Variants in ADAM12 observed in about 807,000 individuals in gnomAD.
The protein encoded by ADAM12 is disintegrin and metalloproteinase domain-containing protein 12.
Under a neutral mutation model 106.4 loss-of-function variants are expected in ADAM12, and 70 were observed. The ratio of observed to expected loss-of-function variants is 0.66; its 90% confidence interval spans 0.54 to 0.80. ADAM12 has a LOEUF of 0.80. ADAM12 is among the 30% of genes least tolerant of loss of function. The pLI is 0.00. For synonymous variants in ADAM12, 420 were observed against 433.5 expected (o/e 0.97, Z 0.39); for missense variants, 1,010 against 1,171.9 (o/e 0.86, Z 2.02).
intron 4 of ADAM12, among the ~76,000 whole-genome samples, chr10:126,153,148 T>A (rs1175632205): frequency 2.0e-5 from 3 of 152,262 alleles, no homozygotes; most frequent in Non-Finnish European, 4.4e-5. Flanking sequence ...CTCATCTTTG[T>A]ATGAAAATGT....
In ADAM12 at chr10:126,049,048, C is replaced by T. The variant is rs11592847; in HGVS notation, c.1917+205G>A. Among the ~76,000 whole-genome samples the T allele has an allele frequency of 6.6e-6, 1 of 152,140 alleles. No individual in the cohort carries two copies. Among genetic ancestry groups the T allele is most frequent in the Non-Finnish European group, 1.5e-5 (1 of 68,026 alleles). On this transcript the variant is annotated intron_variant, in intron 16 of 22. Transcript: ENST00000448723. The surrounding 1 kb of genome is among the most constrained non-coding windows in gnomAD (Gnocchi z 4.4). The stretch of plus-strand genomic sequence containing the variant: ...GAAATGACTTATTAACACTCAAGGC[C>T]TAAGAAGACAGGCTTGATTTTTCCC...
chr10:126,370,019 A>T (rs543104353), intron 1 of ADAM12, among the ~76,000 whole-genome samples: 3 of 152,296 alleles, frequency 2.0e-5, no homozygotes, highest in East Asian at 3.9e-4. Context: ...ATTGGAGAGA[A>T]TACTGATTAG....
chr10:126,224,407 C>T (rs1958152969), intron 3 of ADAM12, among the ~76,000 whole-genome samples: 1 of 152,206 alleles, frequency 6.6e-6, no homozygotes, highest in Admixed American at 6.5e-5. Context: ...TGGGAGCTTG[C>T]AGCTGCTGGA....
rs1028007848 is a variant in ADAM12 at position 126,135,440 on chromosome 10, C to T, written c.416+144G>A. 1.9e-5 allele frequency: 14 copies of T among 732,980 alleles called. No individual in the cohort carries two copies. In the Admixed American group the frequency reaches 3.1e-4, roughly 16 times the overall value. 45.4% of individuals were successfully genotyped at this position (732,980 alleles called of 1,614,324 possible). A position where few individuals can be genotyped will look rare whatever the true frequency, so the allele number is the denominator to read the frequency against. ...TTGTAAGCAGTGGAGAGAGGGCCTC[C>T]GTGTTCTCTTGCCTAGGTGGAGGTG... On this transcript the variant is annotated intron_variant, in intron 5 of 22. Coordinates refer to ENST00000448723, the MANE Select transcript of ADAM12 (RefSeq NM_001288973.2).
chr10:126,226,202 C>CGGGGGGAGGGG (rs1958192962), intron 3 of ADAM12, among the ~76,000 whole-genome samples: 1 of 18,164 alleles, frequency 5.5e-5, no homozygotes, highest in Non-Finnish European at 1.2e-4. Flanking sequence ...GGGGAGGGGG[C>CGGGGGGAGGGG]GGGGGGAGTG....
chr10:126,027,674 TAAA>T (rs956559928), intron 21 of ADAM12, among the ~76,000 whole-genome samples: 1 of 151,884 alleles, frequency 6.6e-6, no homozygotes, highest in Non-Finnish European at 1.5e-5. Context: ...CCCCATAATA[TAAA>T]AAACTCCCAA....
In ADAM12 at chr10:126,030,443, T is replaced by G. The variant is rs1212393158; in HGVS notation, c.2529+5703A>C. On this transcript the variant is annotated intron_variant, in intron 21 of 22. Transcript: ENST00000448723. ...TCTGGGAAGGGAGACTGGTGACAGGTGTGAAGGAGACTGTTTTCCGAATGA... is the reference window on the plus strand; with the variant it reads ...TCTGGGAAGGGAGACTGGTGACAGGGGTGAAGGAGACTGTTTTCCGAATGA... Among the ~76,000 whole-genome samples the G allele has an allele frequency of 2.0e-5, 3 of 152,170 alleles. No homozygotes were observed. In the East Asian group the frequency reaches 5.8e-4, roughly 29 times the overall value.
chr10:126,147,492 G>T (rs1956650785), intron 4 of ADAM12, among the ~76,000 whole-genome samples: 1 of 152,120 alleles, frequency 6.6e-6, no homozygotes, highest in South Asian at 2.1e-4. Context: ...CACAACCAAG[G>T]CTATCAACAT....
intron 2 of ADAM12, among the ~76,000 whole-genome samples, chr10:126,326,071 A>G (rs1854290055): frequency 6.6e-6 from 1 of 152,246 alleles, no homozygotes; most frequent in African/African-American, 2.4e-5. Flanking sequence ...TCAGAAAGAA[A>G]GAGACAGAGA....
At chr10:126,061,277 T>C (rs1041230862) in intron 14 of ADAM12, among the ~76,000 whole-genome samples, 5 of 152,222 alleles carry the variant, frequency 3.3e-5, no homozygotes, top group Non-Finnish European at 7.3e-5. Context: ...GCATCTAGCA[T>C]AGAACCACAT....
intron 3 of ADAM12, among the ~76,000 whole-genome samples, chr10:126,267,125 C>T: frequency 6.6e-6 from 1 of 152,196 alleles, no homozygotes; most frequent in Non-Finnish European, 1.5e-5. Context: ...TGTCAATCAT[C>T]TCCTCTGATA....
intron 3 of ADAM12, among the ~76,000 whole-genome samples, chr10:126,219,429 C>T (rs951758792): frequency 2.6e-5 from 4 of 152,158 alleles, no homozygotes; most frequent in African/African-American, 9.7e-5. Context: ...ACATTAATCT[C>T]TTTAGCTATG....
intron 3 of ADAM12, among the ~76,000 whole-genome samples, chr10:126,247,003 C>T (rs1958643621): frequency 6.6e-6 from 1 of 152,156 alleles, no homozygotes; most frequent in Admixed American, 6.5e-5. Flanking sequence ...AGTTTCAGCC[C>T]AAAAGTTGCT....
intron 3 of ADAM12, among the ~76,000 whole-genome samples, chr10:126,258,384 TCCGTGCC>T (rs1565173485): frequency 6.6e-6 from 1 of 151,770 alleles, no homozygotes; most frequent in Non-Finnish European, 1.5e-5. Context: ...CCCCACTGCC[TCCGTGCC>T]CCACACGCCC....
In ADAM12 at chr10:126,214,164, G is replaced by A. The variant is rs534342556; in HGVS notation, c.261-58859C>T. 4.6e-5 allele frequency among the ~76,000 whole-genome samples: 7 copies of A among 152,300 alleles called. No homozygotes were observed. The South Asian group carries it at 1.4e-3, about 32-fold the overall frequency. The stretch of plus-strand genomic sequence containing the variant: ...TCTGTGTGAGCATTAAAACAAGAAG[G>A]AAGAAGCTTACAGCTACTAAGGAAT... On this transcript the variant is annotated intron_variant, in intron 3 of 22. Transcript: ENST00000448723.
chr10:126,360,438 G>A (rs955241298), intron 1 of ADAM12, among the ~76,000 whole-genome samples: 2 of 152,146 alleles, frequency 1.3e-5, no homozygotes, highest in African/African-American at 2.4e-5. Context: ...TGAATGCTAT[G>A]CTGCTTAGAA....
At chr10:126,278,409 G>A (rs1006179761) in intron 3 of ADAM12, among the ~76,000 whole-genome samples, 1 of 152,104 alleles carries the variant, frequency 6.6e-6, no homozygotes, top group Non-Finnish European at 1.5e-5. Flanking sequence ...CCATTTTCTG[G>A]AAATTTATAT....
chr10:126,029,655 C>A (rs1001694806), intron 21 of ADAM12, among the ~76,000 whole-genome samples: 1 of 152,188 alleles, frequency 6.6e-6, no homozygotes, highest in African/African-American at 2.4e-5. Context: ...CACTGTGGCA[C>A]ATGTTTACCG....
chr10:126,380,349 A>G (rs1339324156), intron 1 of ADAM12, among the ~76,000 whole-genome samples: 1 of 152,202 alleles, frequency 6.6e-6, no homozygotes, highest in Non-Finnish European at 1.5e-5. Flanking sequence ...GCTAATTACA[A>G]TCTCACTGCT....
Sources: allele counts gnomAD v4.1 joint callset (sites outside exome capture counted in the v4.1 genomes callset), GRCh38; gene constraint gnomAD v4.1.1; non-coding constraint Gnocchi (gnomAD v3.1); transcripts MANE v1.5; gene names NCBI Gene and HGNC (gene_info 2026-07-23, HGNC 2026-07-21).